Variants in BCL2L1 observed in about 807,000 individuals in gnomAD.
BCL2L1 encodes the protein BCL2 like 1.
A neutral mutation model predicts 18.7 loss-of-function variants in BCL2L1; 1 was observed. That is an observed-to-expected ratio of 0.05 (90% CI 0.02 to 0.25). The LOEUF (loss-of-function observed/expected upper bound fraction) is 0.25, where lower values mean the gene tolerates loss of function less well. Ranked by LOEUF, BCL2L1 falls within the 10% of genes least tolerant of loss-of-function variation. The probability of loss-of-function intolerance (pLI) is 1.00; values close to 1 mark genes in which losing one functional copy is unlikely to be tolerated. For missense variants in BCL2L1, 207 were observed against 304.9 expected (o/e 0.68, Z 2.39); for synonymous variants, 103 against 122.7 (o/e 0.84, Z 1.06).
At chr20:31,694,145 C>T (rs2035505563) in intron 2 of BCL2L1, among the ~76,000 whole-genome samples, 1 of 152,160 alleles carries the variant, frequency 6.6e-6, no homozygotes, top group South Asian at 2.1e-4. Context: ...CGCCCAGGAA[C>T]TGGCACCTGT....
At chr20:31,675,010 A>G (rs1330650565) in intron 2 of BCL2L1, among the ~76,000 whole-genome samples, 1 of 152,188 alleles carries the variant, frequency 6.6e-6, no homozygotes, top group African/African-American at 2.4e-5. Context: ...AGCTGAATGA[A>G]TAAGCACTGG....
rs1304419251 is a variant in BCL2L1, at chr20:31,694,274, G to C, written c.564+27381C>G. ...CAGAGCCCCTCCATCTGGTAAGGAA[G>C]TTTGCTGGTGGCAGCTTGGAGCTGG... is the stretch of plus-strand genomic sequence containing the variant. On this transcript the variant is annotated intron_variant, in intron 2 of 2. Coordinates refer to ENST00000307677, the MANE Select transcript of BCL2L1 (RefSeq NM_138578.3). Among the ~76,000 whole-genome samples the C allele has an allele frequency of 2.0e-5, 3 of 149,884 alleles. No individual in the cohort carries two copies. In the East Asian group the frequency reaches 6.0e-4, roughly 30 times the overall value.
At chr20:31,716,389 A>G (rs905672969) in intron 2 of BCL2L1, among the ~76,000 whole-genome samples, 6 of 152,116 alleles carry the variant, frequency 3.9e-5, no homozygotes, top group Non-Finnish European at 8.8e-5. Flanking sequence ...ATGTAATTAT[A>G]TATTTATTGC....
chr20:31,707,014 A>G (rs576361437), intron 2 of BCL2L1, among the ~76,000 whole-genome samples: 5 of 152,338 alleles, frequency 3.3e-5, no homozygotes, highest in Admixed American at 3.3e-4. Flanking sequence ...ACCCATGTCA[A>G]GCACCTACTG....
chr20:31,685,154 G>C (rs2060932848), intron 2 of BCL2L1, among the ~76,000 whole-genome samples: 1 of 151,872 alleles, frequency 6.6e-6, no homozygotes, highest in Admixed American at 6.6e-5. Flanking sequence ...TGTAATCCCA[G>C]CACTTTGGGA....
chr20:31,696,716 C>T (rs1028703246), intron 2 of BCL2L1, among the ~76,000 whole-genome samples: 4 of 152,106 alleles, frequency 2.6e-5, no homozygotes, highest in African/African-American at 9.7e-5. Flanking sequence ...AGTTAGAGAC[C>T]AGTCTGGACA....
chr20:31,683,726 G>A (rs548386501), intron 2 of BCL2L1, among the ~76,000 whole-genome samples: 30 of 134,198 alleles, frequency 2.2e-4, no homozygotes, highest in African/African-American at 6.3e-4. Flanking sequence ...CCGAGGCTGC[G>A]CCACTGCACT....
chr20:31,680,148 T>TGAG (rs958484514), intron 2 of BCL2L1, among the ~76,000 whole-genome samples: 14 of 152,222 alleles, frequency 9.2e-5, no homozygotes, highest in African/African-American at 3.4e-4. Context: ...ATTTTACCAA[T>TGAG]GAGGAAACTA....
intron 2 of BCL2L1, among the ~76,000 whole-genome samples, chr20:31,684,907 G>C (rs1466319962): frequency 6.6e-6 from 1 of 152,180 alleles, no homozygotes; most frequent in East Asian, 1.9e-4. Flanking sequence ...AGCTGCCAAG[G>C]GAAGGCTGGG....
intron 2 of BCL2L1, among the ~76,000 whole-genome samples, chr20:31,676,671 A>G (rs2060766864): frequency 6.6e-6 from 1 of 152,026 alleles, no homozygotes; most frequent in South Asian, 2.1e-4. Context: ...TGCCCATCCA[A>G]CCTTCCATGT....
At chr20:31,704,391 CGCCCA>C (rs1324374230) in intron 2 of BCL2L1, among the ~76,000 whole-genome samples, 1 of 152,120 alleles carries the variant, frequency 6.6e-6, no homozygotes, top group Non-Finnish European at 1.5e-5. Context: ...TGAGCCACCG[CGCCCA>C]GCCTGAACTT....
intron 2 of BCL2L1, among the ~76,000 whole-genome samples, chr20:31,697,905 T>TTTTTTTTTTTA (rs2061206999): frequency 2.7e-5 from 4 of 150,522 alleles, no homozygotes; most frequent in African/African-American, 9.9e-5. Flanking sequence ...TTTTTTTTTT[T>TTTTTTTTTTTA]GAGACGGAGT....
chr20:31,675,228 G>A (rs1395294857), intron 2 of BCL2L1, among the ~76,000 whole-genome samples: 2 of 152,314 alleles, frequency 1.3e-5, no homozygotes, highest in East Asian at 3.9e-4. Context: ...AGGTGGAGAA[G>A]AGGAAGAGGC....
At chr20:31,718,512 A>T (rs2061573968) in intron 2 of BCL2L1, among the ~76,000 whole-genome samples, 1 of 152,022 alleles carries the variant, frequency 6.6e-6, no homozygotes, top group Non-Finnish European at 1.5e-5. Context: ...AAAATTAGCC[A>T]GGTGTGGTGG....
intron 2 of BCL2L1, among the ~76,000 whole-genome samples, chr20:31,688,548 T>C (rs928001078): frequency 2.6e-5 from 4 of 151,762 alleles, no homozygotes; most frequent in African/African-American, 9.7e-5. Flanking sequence ...TGGAAGGGTG[T>C]TAAGAAAAAA....
rs75392084 is a variant in BCL2L1 at position 31,684,403 on chromosome 20, G to A, written c.565-18317C>T. Among the ~76,000 whole-genome samples the A allele has an allele frequency of 7.7e-3, 1,173 of 152,284 alleles. 10 individuals are homozygous for A. The highest frequency in any genetic ancestry group is 0.013 in the Non-Finnish European group (888 of 68,020). On this transcript the variant is annotated intron_variant, in intron 2 of 2. Coordinates refer to ENST00000307677, the MANE Select transcript of BCL2L1 (RefSeq NM_138578.3). The stretch of plus-strand genomic sequence containing the variant: ...GTCCACAGAGACCAGAGAGCTGAGA[G>A]CAGAAATGAAAACAGGATAGGTCCC...
intron 2 of BCL2L1, among the ~76,000 whole-genome samples, chr20:31,706,344 T>G (rs1475733937): frequency 6.6e-6 from 1 of 152,222 alleles, no homozygotes; most frequent in Non-Finnish European, 1.5e-5. Flanking sequence ...AGGCAACCCA[T>G]GGCTAAATCA....
At chr20:31,709,840 C>CAAAAAAAAAAAAAAAA (rs56937786) in intron 2 of BCL2L1, among the ~76,000 whole-genome samples, 2 of 64,068 alleles carry the variant, frequency 3.1e-5, no homozygotes, top group Non-Finnish European at 6.9e-5. Context: ...GACTCCATCT[C>CAAAAAAAAAAAAAAAA]AAAAAAAAAA....
chr20:31,690,114 C>T (rs942215664), intron 2 of BCL2L1, among the ~76,000 whole-genome samples: 2 of 152,156 alleles, frequency 1.3e-5, no homozygotes, highest in Non-Finnish European at 2.9e-5. Context: ...GTGACAGGGT[C>T]TCACTCTCAT....
Sources: gnomAD v4.1 joint callset for allele counts (sites outside exome capture counted in the v4.1 genomes callset) on GRCh38, gnomAD v4.1.1 for gene constraint, MANE v1.5 for transcripts, NCBI Gene and HGNC (gene_info 2026-07-23, HGNC 2026-07-21) for gene names.